Variants in SEMA3G observed in about 807,000 individuals in gnomAD.
The protein encoded by SEMA3G is semaphorin 3G, also known as semaphorin-3G.
A neutral mutation model predicts 86.2 loss-of-function variants in SEMA3G; 70 were observed. The observed-to-expected ratio is 0.81, with a 90% CI of 0.67 to 0.99. SEMA3G has a LOEUF of 0.99. Ranked by LOEUF, SEMA3G falls within the 50% of genes least tolerant of loss-of-function variation. The pLI is 0.00. For missense variants in SEMA3G, 1,002 were observed against 1,072.4 expected (o/e 0.93, Z 0.92); for synonymous variants, 416 against 441.4 (o/e 0.94, Z 0.72).
Position 52,435,396 on chromosome 3 carries a change from G to A in SEMA3G, c.*207C>T, listed in dbSNP as rs1018007184. ...GCCAGAGGGTGCTGGCTCCAGCTGG[G>A]TCTAAGAGCACAGAGAAGGGCAGGG... On this transcript the variant is annotated 3_prime_UTR_variant, in exon 16 of 16. Transcript: ENST00000231721. 3 of 593,020 alleles carry A rather than the reference G, an allele frequency of 5.1e-6. No homozygotes were observed. The highest frequency in any genetic ancestry group is 3.7e-5 in the African/African-American group (2 of 53,682). The allele number at this position is 593,020 out of a possible 1,614,324, so 36.7% of individuals were successfully genotyped here. A position where few individuals can be genotyped will look rare whatever the true frequency, so the allele number is the denominator to read the frequency against.
At position 52,435,937 on chromosome 3, in the gene SEMA3G, A is replaced by C; in HGVS notation, c.2015T>G (p.Val672Gly). ...FSQTVVRLAL[V>G]VIVASQLDNL... Reference sequence around the variant, plus strand: ...GTCCAGCTGTGAGGCCACAATCACCACCAGAGCCAGGCGGACCACAGTCTG... The same window carrying C: ...GTCCAGCTGTGAGGCCACAATCACCCCCAGAGCCAGGCGGACCACAGTCTG... Residue 672 changes from valine (V) to glycine (G), a missense_variant, in exon 16 of 16, where the codon GTG (valine) becomes GGG (glycine). Transcript: ENST00000231721. 1 of 1,613,936 alleles carries C rather than the reference A, an allele frequency of 6.2e-7. No homozygotes were observed.
Position 52,435,757 on chromosome 3 carries a change from CT to C in SEMA3G, c.2194del (p.Arg732GlyfsTer29), listed in dbSNP as rs746403943. On this transcript the variant is annotated frameshift_variant, in exon 16 of 16. Transcript: ENST00000231721. LOFTEE classifies it high-confidence loss of function. ...VDEYCERVWC[R>X]GTTECSGCFR... ...GCAGCCTGAGCATTCCGTGGTGCCC[CT>C]GCACCACACGCGCTCACAGTACTCA... is the stretch of plus-strand genomic sequence containing the variant. The C allele has an allele frequency of 1.9e-6, 3 of 1,614,000 alleles. No individual in the cohort carries two copies. The African/African-American group carries it at 4.0e-5, about 22-fold the overall frequency.
Position 52,444,904 on chromosome 3 carries a change from G to A in SEMA3G, c.115+9C>T, listed in dbSNP as rs1440152302. 2 of 1,304,658 alleles carry A rather than the reference G, an allele frequency of 1.5e-6. No homozygotes were observed. Among genetic ancestry groups the A allele is most frequent in the Admixed American group, 4.1e-5 (1 of 24,108 alleles). The allele number at this position is 1,304,658 out of a possible 1,614,324, so 80.8% of individuals were successfully genotyped here. On this transcript the variant is annotated intron_variant, in intron 1 of 15. Coordinates refer to ENST00000231721, the MANE Select transcript of SEMA3G (RefSeq NM_020163.3). ...CATGCACACAAACAGGGCACGCAGG[G>A]GCTGGTACCTCGGTAGGAGAGCCGC...
chr3:52,440,310 T>G, intron 10 of SEMA3G, 67 bp downstream of exon 10: 2 of 1,311,410 alleles, frequency 1.5e-6, no homozygotes, highest in Non-Finnish European at 2.0e-6. Flanking sequence ...ATGAGGCCAC[T>G]CCAAGGAGCC....
Position 52,438,148 on chromosome 3 carries a change from G to GGTGCAGCCGCAGCTGGGCCAC in SEMA3G, c.1540_1560dup (p.Val514_His520dup), listed in dbSNP as rs747656665. On this transcript the variant is annotated inframe_insertion, in exon 14 of 16. Transcript: ENST00000231721. Reference sequence around the variant, plus strand: ...CAGGCAGTGCCGTAAGTCTCACATTGGTGCAGCCGCAGCTGGGCCACACCC... The same window carrying GGTGCAGCCGCAGCTGGGCCAC: ...CAGGCAGTGCCGTAAGTCTCACATTGGTGCAGCCGCAGCTGGGCCACGTGCAGCCGCAGCTGGGCCACACCC... 27 of 1,613,154 alleles carry GGTGCAGCCGCAGCTGGGCCAC rather than the reference G, an allele frequency of 1.7e-5. No individual in the cohort carries two copies. The highest frequency in any genetic ancestry group is 2.1e-5 in the Non-Finnish European group (25 of 1,180,042).
intron 10 of SEMA3G, 25 bp from the exon 11 acceptor site, chr3:52,440,123 C>G: frequency 6.6e-7 from 1 of 1,521,616 alleles, no homozygotes; most frequent in South Asian, 1.2e-5. Context: ...GAAGGGAGTG[C>G]CTGAAGTATC....
At chr3:52,444,315 G>A (rs1427816188) in intron 1 of SEMA3G, among the ~76,000 whole-genome samples, 1 of 151,766 alleles carries the variant, frequency 6.6e-6, no homozygotes, top group African/African-American at 2.4e-5. Flanking sequence ...CTCCCCCTCA[G>A]GTGCCTCCCA....
chr3:52,437,733 ACACCACAGCT>A, intron 14 of SEMA3G, 67 bp from the exon 15 acceptor site: 1 of 1,541,604 alleles, frequency 6.5e-7, no homozygotes, highest in Non-Finnish European at 8.8e-7. Context: ...CCACCACCTG[ACACCACAGCT>A]CAGGAGCCCC....
intron 1 of SEMA3G, 65 bp downstream of exon 1, chr3:52,444,829 ACAAACACGGCACATGCACC>A (rs1706235048): frequency 4.8e-6 from 5 of 1,037,978 alleles, no homozygotes; most frequent in Non-Finnish European, 6.3e-6. Flanking sequence ...GCACATGCAC[ACAAACACGGCACATGCACC>A]CAAACAGAGC....
At chr3:52,444,476 CCAAACAGGGCACACGCACA>C (rs1706221466) in intron 1 of SEMA3G, among the ~76,000 whole-genome samples, 2 of 137,996 alleles carry the variant, frequency 1.4e-5, no homozygotes, top group African/African-American at 2.7e-5. Context: ...GCACACGCAC[CCAAACAGGGCACACGCACA>C]CAAACATGGC....
At chr3:52,441,432 C>G in intron 6 of SEMA3G, 23 bp from the exon 7 acceptor site, 1 of 1,610,840 alleles carries the variant, frequency 6.2e-7, no homozygotes, top group Non-Finnish European at 8.5e-7. Context: ...CAGGGTCATG[C>G]TGGGTGGAGG....
At chr3:52,436,936 G>A (rs959583293) in intron 15 of SEMA3G, among the ~76,000 whole-genome samples, 5 of 152,122 alleles carry the variant, frequency 3.3e-5, no homozygotes, top group South Asian at 2.1e-4. Flanking sequence ...TCCCTGCCCC[G>A]GCCAATGCCC....
In SEMA3G at chr3:52,439,816, A is replaced by G. The variant is rs376574689; in HGVS notation, c.1376-45T>C. 7 of 1,609,856 alleles carry G rather than the reference A, an allele frequency of 4.3e-6. No individual in the cohort carries two copies. In the African/African-American group the frequency reaches 5.3e-5, roughly 12 times the overall value. On this transcript the variant is annotated intron_variant, in intron 11 of 15. Coordinates refer to ENST00000231721, the MANE Select transcript of SEMA3G (RefSeq NM_020163.3). ...GTCAGCGGGACAGGAGGGGACAGCCAGAGACCCCACACCCCTCTCCAGCCT... is the reference window on the plus strand; with the variant it reads ...GTCAGCGGGACAGGAGGGGACAGCCGGAGACCCCACACCCCTCTCCAGCCT...
chr3:52,439,889 G>A lies in SEMA3G; in HGVS notation c.1353C>T (p.Tyr451=), dbSNP rs147079714. Residue 451 remains tyrosine (Y), a synonymous_variant, in exon 11 of 16, where the codon TAC becomes TAT. Transcript: ENST00000231721. Reference sequence around the variant, plus strand: ...TACCAGTCCCCAGGAAAATGACATCGTAGGTCCCATCCTCTGCCTCCACGC... The same window carrying A: ...TACCAGTCCCCAGGAAAATGACATCATAGGTCCCATCCTCTGCCTCCACGC... The part of the protein sequence containing the change: ...VDRVEAEDGT[Y]DVIFLGTDSG... 1.0e-4 allele frequency: 161 copies of A among 1,613,260 alleles called. 1 individual carries two copies. Among genetic ancestry groups the A allele is most frequent in the Non-Finnish European group, 1.2e-4 (137 of 1,179,716 alleles).
At chr3:52,441,768 T>C (rs1706162113) in intron 5 of SEMA3G, 51 bp downstream of exon 5, 2 of 1,589,636 alleles carry the variant, frequency 1.3e-6, no homozygotes, top group East Asian at 2.2e-5. Context: ...CCCAGTGACA[T>C]AGGCCAGCTG....
chr3:52,437,742 C>T (rs959549771), intron 14 of SEMA3G, 76 bp from the exon 15 acceptor site: 1 of 1,498,370 alleles, frequency 6.7e-7, no homozygotes, highest in African/African-American at 1.4e-5. Context: ...GACACCACAG[C>T]TCAGGAGCCC....
At chr3:52,441,177 C>T in intron 7 of SEMA3G, 87 bp downstream of exon 7, 2 of 1,542,558 alleles carry the variant, frequency 1.3e-6, no homozygotes, top group East Asian at 4.5e-5. Flanking sequence ...AGTTTCCCTA[C>T]TGCTGGCCAG....
Position 52,444,927 on chromosome 3 carries a change from C to T in SEMA3G, c.101G>A (p.Arg34Gln), listed in dbSNP as rs1706238015. Residue 34 changes from arginine to glutamine, a missense_variant, in exon 1 of 16, where the codon CGG becomes CAG. Coordinates refer to ENST00000231721, the MANE Select transcript of SEMA3G (RefSeq NM_020163.3). ...PSPGPSVPRL[R>Q]LSYRDLLSAN... Reference sequence around the variant, plus strand: ...GGGGCTGGTACCTCGGTAGGAGAGCCGCAGGCGGGGCACACTGGGGCCGGG... The same window carrying T: ...GGGGCTGGTACCTCGGTAGGAGAGCTGCAGGCGGGGCACACTGGGGCCGGG... The T allele has an allele frequency of 5.4e-6, 7 of 1,302,908 alleles. No homozygotes were observed. Among genetic ancestry groups the T allele is most frequent in the East Asian group, 6.2e-5 (2 of 32,014 alleles). 80.7% of individuals were successfully genotyped at this position (1,302,908 alleles called of 1,614,324 possible).
At chr3:52,438,517 G>T in intron 13 of SEMA3G, 1 of 985,446 alleles carries the variant, frequency 1.0e-6, no homozygotes, top group Non-Finnish European at 1.2e-6. Context: ...CCTTAGAGGT[G>T]CACCTTGCTT....
Sources: allele counts gnomAD v4.1 joint callset (sites outside exome capture counted in the v4.1 genomes callset), GRCh38; gene constraint gnomAD v4.1.1; transcripts MANE v1.5; gene names NCBI Gene and HGNC (gene_info 2026-07-23, HGNC 2026-07-21).